C9orf78: variants seen among roughly 807,000 people sequenced by gnomAD.
C9orf78 encodes the protein splicing factor C9orf78.
In C9orf78, 19 loss-of-function variants were observed where a neutral mutation model predicts 37.4. That is an observed-to-expected ratio of 0.51 (90% CI 0.35 to 0.74). The LOEUF is 0.74. Ranked by LOEUF, C9orf78 falls within the 30% of genes least tolerant of loss-of-function variation. C9orf78 has a pLI of 0.01. For missense variants in C9orf78, 291 were observed against 370.8 expected (o/e 0.78, Z 1.77); for synonymous variants, 130 against 128.0 (o/e 1.02, Z -0.10).
chr9:129,829,565 C>T (rs2031438430), intron 6 of C9orf78, 24 bp from the exon 7 acceptor site: 1 of 1,607,374 alleles, frequency 6.2e-7, no homozygotes, highest in Non-Finnish European at 8.5e-7. Flanking sequence ...GAAACCACAC[C>T]ACTTAGAAGA....
At chr9:129,831,847 G>A (rs763914856) in intron 5 of C9orf78, 49 bp downstream of exon 5, 30 of 874,270 alleles carry the variant, frequency 3.4e-5, no homozygotes, top group Non-Finnish European at 5.4e-5. Flanking sequence ...CTTGGACTCT[G>A]ACTGGAGTCC....
intron 8 of C9orf78, 153 bp from the exon 9 acceptor site, chr9:129,828,405 A>G (rs1434472870): frequency 6.7e-6 from 3 of 449,156 alleles, no homozygotes; most frequent in African/African-American, 4.5e-5. Context: ...GTAGATACGT[A>G]TTTGTCTTTT....
chr9:129,830,934 T>C lies in C9orf78; in HGVS notation c.479A>G (p.Lys160Arg), dbSNP rs1323257092. The stretch of plus-strand genomic sequence containing the variant: ...CTGGTTGGAAAGCATCTCCTCGGTC[T>C]TCTTTGCTGAGGAAACACGGATGTT... Reference protein sequence around the residue: ...PENIRVSSAKKTEEMLSNQML... With the variant: ...PENIRVSSAKRTEEMLSNQML... Residue 160 changes from lysine to arginine, a missense_variant, in exon 6 of 9, where the codon AAG (lysine) becomes AGG (arginine). By Grantham distance (26) the Lys-to-Arg change is conservative (BLOSUM62 2). Coordinates refer to ENST00000372447, the MANE Select transcript of C9orf78 (RefSeq NM_016520.3). 1 of 1,613,772 alleles carries C rather than the reference T, an allele frequency of 6.2e-7. No individual in the cohort carries two copies. Among genetic ancestry groups the C allele is most frequent in the East Asian group, 2.2e-5 (1 of 44,900 alleles).
Position 129,831,950 on chromosome 9 carries a change from T to C in C9orf78, c.290A>G (p.His97Arg), listed in dbSNP as rs1012371499. Residue 97 changes from histidine to arginine, a missense_variant, in exon 5 of 9, where the codon CAC becomes CGC. Around this residue, in one of 3 missense-constraint regions of C9orf78, gnomAD observed 158 missense variants for 174.8 expected, o/e 0.90. Transcript: ENST00000372447. ...KDKISEEEDL[H>R]LGTSFSAETN... ...TTCTGCAGAAAACGATGTCCCCAGG[T>C]GCAGGTCCTCCTCCTCACTGATCCT... The C allele has an allele frequency of 6.3e-7, 1 of 1,576,752 alleles. No homozygotes were observed. The highest frequency in any genetic ancestry group is 8.7e-7 in the Non-Finnish European group (1 of 1,146,142).
Position 129,834,741 on chromosome 9 carries a change from C to T in C9orf78, c.109G>A (p.Val37Ile), listed in dbSNP as rs2031651021. Residue 37 changes from valine (V) to isoleucine (I), a missense_variant, in exon 2 of 9, where the codon GTA becomes ATA. Physicochemically the swap from Val to Ile is conservative, Grantham distance 29. Around this residue, in one of 3 missense-constraint regions of C9orf78, gnomAD observed 158 missense variants for 174.8 expected, o/e 0.90. Coordinates refer to ENST00000372447, the MANE Select transcript of C9orf78 (RefSeq NM_016520.3). The stretch of plus-strand genomic sequence containing the variant: ...TTGGGCCTCTTCCTCAAGTTCTGTA[C>T]CTCTCTGGTCTCTTCCAGTTTTAAT... ...VRLKLEETRE[V>I]QNLRKRPNGV... The T allele has an allele frequency of 3.7e-6, 6 of 1,612,246 alleles. No homozygotes were observed. The highest frequency in any genetic ancestry group is 5.1e-6 in the Non-Finnish European group (6 of 1,178,598).
chr9:129,829,574 G>C (rs755591205), intron 6 of C9orf78, 33 bp from the exon 7 acceptor site: 2 of 1,602,186 alleles, frequency 1.2e-6, no homozygotes, highest in East Asian at 4.5e-5. Flanking sequence ...CCACTTAGAA[G>C]ATGATAGCAC....
chr9:129,829,905 TAAG>T (rs2131013369), intron 6 of C9orf78: 1 of 171,990 alleles, frequency 5.8e-6, no homozygotes, highest in Non-Finnish European at 1.2e-5. Context: ...GTGGATATTT[TAAG>T]AAGGATCATG....
chr9:129,829,723 CCA>C (rs1375553151), intron 6 of C9orf78, 182 bp from the exon 7 acceptor site: 3 of 571,810 alleles, frequency 5.2e-6, no homozygotes, highest in Admixed American at 3.1e-5. Context: ...TGTCGGAGAA[CCA>C]CAGTTACTCT....
At position 129,829,709 on chromosome 9, in the gene C9orf78, C is replaced by G. The variant is rs114765479; in HGVS notation, c.543-168G>C. On this transcript the variant is annotated intron_variant, in intron 6 of 8. Coordinates refer to ENST00000372447, the MANE Select transcript of C9orf78 (RefSeq NM_016520.3). The stretch of plus-strand genomic sequence containing the variant: ...TAGTCACATTCTCACGGGACTCTCA[C>G]GGCTGTCGGAGAACCACAGTTACTC... 599 of 599,600 alleles carry G rather than the reference C, an allele frequency of 1.0e-3. 2 individuals carry two copies. Among genetic ancestry groups the G allele is most frequent in the African/African-American group, 9.9e-3 (540 of 54,330 alleles). The allele number at this position is 599,600 out of a possible 1,614,324, so 37.1% of individuals were successfully genotyped here.
At position 129,830,879 on chromosome 9, in the gene C9orf78, C is replaced by T. The variant is rs760020575; in HGVS notation, c.534G>A (p.Leu178=). 12 of 1,611,006 alleles carry T rather than the reference C, an allele frequency of 7.4e-6. No homozygotes were observed. Among genetic ancestry groups the T allele is most frequent in the Middle Eastern group, 3.3e-4 (2 of 6,058 alleles). ...AGGGGTCTCAAACATACTCGATGCC[C>T]AGGTCCACCTCAGGAATGCCACTCA... is the stretch of plus-strand genomic sequence containing the variant. ...QMLSGIPEVD[L]GIDAKIKNII... Residue 178 remains leucine (L), a synonymous_variant, in exon 6 of 9, where the codon CTG becomes CTA. Coordinates refer to ENST00000372447, the MANE Select transcript of C9orf78 (RefSeq NM_016520.3).
chr9:129,834,444 A>C (rs879801542), intron 2 of C9orf78: 9 of 460,298 alleles, frequency 2.0e-5, no homozygotes, highest in Non-Finnish European at 3.4e-5. Context: ...ATCGATATGC[A>C]TTTCACAATT....
Position 129,833,666 on chromosome 9 carries a change from T to C in C9orf78, c.187A>G (p.Thr63Ala). The C allele has an allele frequency of 6.2e-7, 1 of 1,607,166 alleles. No individual in the cohort carries two copies. The highest frequency in any genetic ancestry group is 8.5e-7 in the Non-Finnish European group (1 of 1,175,256). ...LVGEKVQEET[T>A]LVDDPFQMKT... is the part of the protein sequence containing the mutation. ...AAGACCCCATAACTTACCACTAGAG[T>C]GGTCTCCTCTTGTACCTTCTCTCCC... The change falls in exon 3 of 9, where the codon ACT becomes GCT. Residue 63 changes from threonine to alanine, a missense_variant. By Grantham distance (58) the Thr-to-Ala change is moderately conservative. Around this residue, in one of 3 missense-constraint regions of C9orf78, gnomAD observed 158 missense variants for 174.8 expected, o/e 0.90. Coordinates refer to ENST00000372447, the MANE Select transcript of C9orf78 (RefSeq NM_016520.3).
intron 5 of C9orf78, 162 bp downstream of exon 5, chr9:129,831,734 T>G (rs1455064094): frequency 3.2e-6 from 2 of 623,072 alleles, no homozygotes; most frequent in African/African-American, 3.7e-5. Flanking sequence ...TGAAAAGACC[T>G]TTTAAGAGGT....
chr9:129,828,507 T>C, intron 8 of C9orf78: 2 of 283,526 alleles, frequency 7.1e-6, no homozygotes, highest in Non-Finnish European at 1.4e-5. Context: ...CACTGCAACC[T>C]CCAACTCCCG....
In C9orf78 at chr9:129,828,136, A is replaced by G; in HGVS notation, c.*25T>C. The stretch of plus-strand genomic sequence containing the variant: ...GGAGGGATATAGGGAGAGGAAGGCG[A>G]TATTTACATCCCACTCTGCACAACT... On this transcript the variant is annotated 3_prime_UTR_variant, in exon 9 of 9. Transcript: ENST00000372447. The G allele has an allele frequency of 7.4e-7, 1 of 1,351,066 alleles. No individual in the cohort carries two copies. The highest frequency in any genetic ancestry group is 1.1e-6 in the Non-Finnish European group (1 of 943,942). The allele number at this position is 1,351,066 out of a possible 1,614,324, so 83.7% of individuals were successfully genotyped here. A position where few individuals can be genotyped will look rare whatever the true frequency, so the allele number is the denominator to read the frequency against.
chr9:129,834,365 G>A (rs111552318), intron 2 of C9orf78: 1 of 274,438 alleles, frequency 3.6e-6, no homozygotes, highest in South Asian at 7.9e-5. Context: ...GATCATTTCC[G>A]GATGGGAGAA....
chr9:129,833,837 G>C (rs1014544343), intron 2 of C9orf78, 128 bp from the exon 3 acceptor site: 4 of 671,202 alleles, frequency 6.0e-6, no homozygotes, highest in Non-Finnish European at 1.0e-5. Flanking sequence ...GGGTGGGTAG[G>C]CAAGCCGGCT....
At chr9:129,831,567 G>C (rs2031497047) in intron 5 of C9orf78, 2 of 262,224 alleles carry the variant, frequency 7.6e-6, no homozygotes, top group East Asian at 2.0e-4. Context: ...TGGGATTACA[G>C]GTGCCCACTA....
chr9:129,831,155 G>A (rs1169472577), intron 5 of C9orf78, 87 bp from the exon 6 acceptor site: 10 of 813,588 alleles, frequency 1.2e-5, no homozygotes, highest in Non-Finnish European at 1.7e-5. Flanking sequence ...ACACTGGCCC[G>A]CAGACCAGTG....
Sources: allele counts gnomAD v4.1 joint callset, GRCh38; gene constraint gnomAD v4.1.1; regional missense constraint gnomAD v4.1.1; transcripts MANE v1.5; gene names NCBI Gene and HGNC (gene_info 2026-07-23, HGNC 2026-07-21).